KIAA0586: variants seen among roughly 807,000 people sequenced by gnomAD.
KIAA0586 encodes the protein protein TALPID3.
A neutral mutation model predicts 169.8 loss-of-function variants in KIAA0586; 144 were observed. The ratio of observed to expected loss-of-function variants is 0.85; its 90% CI spans 0.74 to 0.97. The LOEUF is 0.97. Among genes scored for constraint, KIAA0586 ranks in the 50% least tolerant of loss-of-function variants. KIAA0586 has a pLI of 0.00. For missense variants in KIAA0586, 1,854 were observed against 1,823.0 expected (o/e 1.02, Z -0.31); for synonymous variants, 625 against 612.4 (o/e 1.02, Z -0.30).
In KIAA0586 at chr14:58,472,810, T is replaced by G. The variant is rs374895708; in HGVS notation, c.2634+531T>G. On this transcript the variant is annotated intron_variant, in intron 18 of 30. Coordinates refer to ENST00000652326, the MANE Select transcript of KIAA0586 (RefSeq NM_001329943.3). ...TTGAAACTACTTGACCATTATGTCA[T>G]TAGACTTTAAAGAACACATTTGATC... 2.6e-5 allele frequency among the ~76,000 whole-genome samples: 4 copies of G among 151,054 alleles called. 1 individual carries two copies.
At chr14:58,498,137 A>G (rs2043292718) in intron 26 of KIAA0586, among the ~76,000 whole-genome samples, 1 of 151,912 alleles carries the variant, frequency 6.6e-6, no homozygotes, top group Non-Finnish European at 1.5e-5. Flanking sequence ...CGGCCTCCCA[A>G]AGTGCTGGTA....
chr14:58,502,869 T>C (rs1190495506), intron 27 of KIAA0586, among the ~76,000 whole-genome samples: 1 of 152,220 alleles, frequency 6.6e-6, no homozygotes, highest in Non-Finnish European at 1.5e-5. Context: ...ATCAACTATA[T>C]ATGCTAGTGA....
intron 29 of KIAA0586, among the ~76,000 whole-genome samples, chr14:58,524,500 C>T (rs1027806014): frequency 7.2e-5 from 11 of 152,090 alleles, no homozygotes; most frequent in African/African-American, 2.4e-4. Flanking sequence ...CGTGGTTATT[C>T]GGATGCAGAA....
Position 58,488,650 on chromosome 14 carries a change from C to T in KIAA0586, c.3557C>T (p.Pro1186Leu), listed in dbSNP as rs1022647802. 1 of 1,613,626 alleles carries T rather than the reference C, an allele frequency of 6.2e-7. No homozygotes were observed. Among genetic ancestry groups the T allele is most frequent in the African/African-American group, 1.3e-5 (1 of 74,844 alleles). ...IVMSVAKDEE[P>L]ESMDFPAQPP... Reference sequence around the variant, plus strand: ...ATGTCTGTGGCTAAGGATGAAGAACCAGAGAGTATGGATTTCCCTGCTCAG... The same window carrying T: ...ATGTCTGTGGCTAAGGATGAAGAACTAGAGAGTATGGATTTCCCTGCTCAG... The change falls in exon 24 of 31, where the codon CCA (proline) becomes CTA (leucine). Residue 1186 changes from proline (P) to leucine (L), a missense_variant. Transcript: ENST00000652326.
At chr14:58,541,221 A>G (rs1300575273) in intron 30 of KIAA0586, among the ~76,000 whole-genome samples, 2 of 152,268 alleles carry the variant, frequency 1.3e-5, no homozygotes, top group Non-Finnish European at 2.9e-5. Flanking sequence ...AGTCATTTCA[A>G]GGTCCACTGT....
At chr14:58,443,508 C>T (rs186819323) in intron 5 of KIAA0586, among the ~76,000 whole-genome samples, 8 of 152,296 alleles carry the variant, frequency 5.3e-5, no homozygotes, top group Non-Finnish European at 7.3e-5. Context: ...CTGCAACCTC[C>T]GCCTCCTGGG....
At chr14:58,497,336 CTAAAG>C (rs1364844692) in intron 26 of KIAA0586, among the ~76,000 whole-genome samples, 1 of 151,228 alleles carries the variant, frequency 6.6e-6, no homozygotes, top group Non-Finnish European at 1.5e-5. Flanking sequence ...TTAAATATGA[CTAAAG>C]TATTCTTCTA....
chr14:58,461,073 ACTC>A lies in KIAA0586; in HGVS notation c.1973_1975del (p.Thr658_Leu659delinsIle). On this transcript the variant is annotated inframe_deletion, in exon 14 of 31. Transcript: ENST00000652326. ...GCCAGTTTATCAGGGCCATCGAAGC[ACTC>A]TTAAAAAAGGACCATATCTCAGATT... 2 of 1,612,336 alleles carry A rather than the reference ACTC, an allele frequency of 1.2e-6. No homozygotes were observed. Among genetic ancestry groups the A allele is most frequent in the Non-Finnish European group, 1.7e-6 (2 of 1,179,002 alleles).
chr14:58,535,959 AT>A (rs1794707780), intron 29 of KIAA0586, among the ~76,000 whole-genome samples: 1 of 152,138 alleles, frequency 6.6e-6, no homozygotes, highest in African/African-American at 2.4e-5. Context: ...AAATAATACT[AT>A]AAAGATTTAC....
At chr14:58,440,283 CTTCT>C (rs574080045) in intron 4 of KIAA0586, 3 of 399,664 alleles carry the variant, frequency 7.5e-6, no homozygotes, top group African/African-American at 2.1e-5. Context: ...TTTCTCTTTT[CTTCT>C]TTCTCTCTCT....
intron 9 of KIAA0586, among the ~76,000 whole-genome samples, chr14:58,456,177 C>T (rs530235682): frequency 3.3e-5 from 5 of 152,108 alleles, no homozygotes; most frequent in Non-Finnish European, 5.9e-5. Context: ...TGTTGGTTTT[C>T]GAGGCCGCCA....
chr14:58,463,461 A>G (rs1043395641), intron 14 of KIAA0586, among the ~76,000 whole-genome samples: 2 of 152,244 alleles, frequency 1.3e-5, no homozygotes, highest in South Asian at 4.1e-4. Context: ...TAGAATGACT[A>G]TCAGAGAACA....
At chr14:58,486,098 C>G (rs1355031012) in intron 21 of KIAA0586, among the ~76,000 whole-genome samples, 1 of 152,186 alleles carries the variant, frequency 6.6e-6, no homozygotes, top group Admixed American at 6.5e-5. Context: ...CCCCTTTCTT[C>G]CCTCCTGCCC....
In KIAA0586 at chr14:58,487,176, T is replaced by A; in HGVS notation, c.3304+10T>A. On this transcript the variant is annotated intron_variant, in intron 22 of 30. Transcript: ENST00000652326. ...ATATGTGCTGAAAAAGGTAGAAACT[T>A]TATTTCTATAACTCGGTTTTAATTT... 1 of 1,603,976 alleles carries A rather than the reference T, an allele frequency of 6.2e-7. No individual in the cohort carries two copies.
chr14:58,456,776 G>A lies in KIAA0586; in HGVS notation c.1328G>A (p.Gly443Asp). ...QKSDDVLHDL[G>D]QKEKETNSMV... ...TCTGATGATGTTCTTCATGACCTTG[G>A]CCAAAAAGAGAAAGAAACAAATAGC... Residue 443 changes from glycine to aspartate, a missense_variant, in exon 10 of 31, where the codon GGC (glycine) becomes GAC (aspartate). Coordinates refer to ENST00000652326, the MANE Select transcript of KIAA0586 (RefSeq NM_001329943.3). 6 of 1,601,832 alleles carry A rather than the reference G, an allele frequency of 3.7e-6. No individual in the cohort carries two copies. The highest frequency in any genetic ancestry group is 4.3e-6 in the Non-Finnish European group (5 of 1,173,054).
intron 29 of KIAA0586, among the ~76,000 whole-genome samples, chr14:58,533,165 A>T (rs951337649): frequency 2.6e-5 from 4 of 152,226 alleles, no homozygotes; most frequent in African/African-American, 9.6e-5. Context: ...TACATTACAC[A>T]AAGTAGGACT....
intron 6 of KIAA0586, among the ~76,000 whole-genome samples, chr14:58,446,368 A>G (rs2038901877): frequency 6.6e-6 from 1 of 151,504 alleles, no homozygotes; most frequent in Non-Finnish European, 1.5e-5. Flanking sequence ...ATGGTGGCAC[A>G]TGCCTGTAGT....
At position 58,469,792 on chromosome 14, in the gene KIAA0586, A is replaced by C. The variant is rs574381512; in HGVS notation, c.2443-821A>C. Reference sequence around the variant, plus strand: ...GGAAGTACAGTTTATCAGCAAGCAAACTAAATAAGTTTTGCCAGTAACCAA... The same window carrying C: ...GGAAGTACAGTTTATCAGCAAGCAACCTAAATAAGTTTTGCCAGTAACCAA... On this transcript the variant is annotated intron_variant, in intron 16 of 30. Coordinates refer to ENST00000652326, the MANE Select transcript of KIAA0586 (RefSeq NM_001329943.3). Among the ~76,000 whole-genome samples the C allele has an allele frequency of 2.6e-5, 4 of 152,360 alleles. No individual in the cohort carries two copies. The East Asian group carries it at 7.7e-4, about 29-fold the overall frequency.
chr14:58,427,760 G>C lies in KIAA0586; in HGVS notation c.-505G>C. 1.3e-6 allele frequency: 2 copies of C among 1,531,444 alleles called. No individual in the cohort carries two copies. Among genetic ancestry groups the C allele is most frequent in the Admixed American group, 2.0e-5 (1 of 50,682 alleles). The allele number at this position is 1,531,444 out of a possible 1,614,324, so 94.9% of individuals were successfully genotyped here. On this transcript the variant is annotated 5_prime_UTR_variant, in exon 1 of 31. Coordinates refer to ENST00000652326, the MANE Select transcript of KIAA0586 (RefSeq NM_001329943.3). The stretch of plus-strand genomic sequence containing the variant: ...ACCCACGACGGTGCGGGTCTCGGGC[G>C]TTCTGGAGATACGTAGGGGTGAATT...
Sources: gnomAD v4.1 joint callset for allele counts (sites outside exome capture counted in the v4.1 genomes callset) on GRCh38, gnomAD v4.1.1 for gene constraint, MANE v1.5 for transcripts, NCBI Gene and HGNC (gene_info 2026-07-23, HGNC 2026-07-21) for gene names.